PALM2AKAP2: variants seen among roughly 807,000 people sequenced by gnomAD.
PALM2AKAP2 encodes the protein PALM2 and AKAP2 fusion.
Under a neutral mutation model 71.5 loss-of-function variants are expected in PALM2AKAP2, and 37 were observed. The ratio of observed to expected loss-of-function variants is 0.52; its 90% CI spans 0.40 to 0.68. PALM2AKAP2 has a LOEUF of 0.68. PALM2AKAP2 is among the 30% of genes least tolerant of loss of function. PALM2AKAP2 has a pLI of 0.00. For synonymous variants in PALM2AKAP2, 468 were observed against 478.8 expected (o/e 0.98, Z 0.29); for missense variants, 1,224 against 1,191.8 (o/e 1.03, Z -0.40).
At chr9:109,900,438 C>T (rs1012427760) in intron 3 of PALM2AKAP2, among the ~76,000 whole-genome samples, 1 of 152,148 alleles carries the variant, frequency 6.6e-6, no homozygotes, top group Non-Finnish European at 1.5e-5. Context: ...TCTAGGCACC[C>T]AATAGATGGG....
chr9:109,920,795 C>CAAAT (rs3063871), intron 3 of PALM2AKAP2, among the ~76,000 whole-genome samples: 32,790 of 150,622 alleles, frequency 0.22, 3,688 homozygotes, highest in Admixed American at 0.27. Flanking sequence ...AATCACACCT[C>CAAAT]AAATAAATAA....
chr9:110,014,571 G>A (rs1476200993), intron 6 of PALM2AKAP2, among the ~76,000 whole-genome samples: 3 of 151,272 alleles, frequency 2.0e-5, no homozygotes, highest in Non-Finnish European at 4.4e-5. Context: ...TCAGGAGTTC[G>A]AGACCAGCCT....
intron 1 of PALM2AKAP2, among the ~76,000 whole-genome samples, chr9:109,786,135 C>T (rs1236515068): frequency 6.6e-6 from 1 of 152,268 alleles, no homozygotes; most frequent in South Asian, 2.1e-4. Context: ...CCTCTCCATG[C>T]CTTTTCTTGC....
chr9:110,036,066 C>T (rs1038973563), intron 7 of PALM2AKAP2, among the ~76,000 whole-genome samples: 12 of 151,782 alleles, frequency 7.9e-5, no homozygotes, highest in African/African-American at 1.2e-4. Flanking sequence ...CTGAGCCTCC[C>T]GAGAGTACAG....
intron 1 of PALM2AKAP2, among the ~76,000 whole-genome samples, chr9:109,703,554 T>C (rs998863226): frequency 2.6e-4 from 39 of 152,176 alleles, no homozygotes; most frequent in African/African-American, 8.9e-4. Flanking sequence ...CAAAATAGCT[T>C]CTTTATTCAA....
chr9:110,014,926 C>A (rs1329169810), intron 6 of PALM2AKAP2, among the ~76,000 whole-genome samples: 1 of 141,062 alleles, frequency 7.1e-6, no homozygotes, highest in Non-Finnish European at 1.5e-5. Context: ...TATTCACGTA[C>A]ATAACTGCAT....
rs138540272 is a variant in PALM2AKAP2 at position 109,886,029 on chromosome 9, G to A, written c.257+5348G>A. Among the ~76,000 whole-genome samples, 268 of 152,306 alleles carry A rather than the reference G, an allele frequency of 1.8e-3. 3 individuals carry two copies. The highest frequency in any genetic ancestry group is 6.2e-3 in the African/African-American group (256 of 41,566). On this transcript the variant is annotated intron_variant, in intron 3 of 9. Coordinates refer to the PALM2AKAP2 transcript ENST00000302798. The stretch of plus-strand genomic sequence containing the variant: ...CACAGCTTTTCCCTGGGTAATGTCA[G>A]GATTATATTTTTGGCTCCCTGGAAA...
At chr9:109,958,594 A>G (rs79228837) in intron 6 of PALM2AKAP2, among the ~76,000 whole-genome samples, 7,527 of 152,118 alleles carry the variant, frequency 0.049, 301 homozygotes, top group Admixed American at 0.11. Flanking sequence ...AGAGAAGGAG[A>G]AAAGGAAGAG....
intron 1 of PALM2AKAP2, among the ~76,000 whole-genome samples, chr9:109,800,148 G>C (rs1827382108): frequency 6.6e-6 from 1 of 151,222 alleles, no homozygotes; most frequent in Non-Finnish European, 1.5e-5. Context: ...CCAGTATAAG[G>C]TTTACTGATT....
chr9:109,695,225 C>T (rs892382357), intron 1 of PALM2AKAP2, among the ~76,000 whole-genome samples: 5 of 152,134 alleles, frequency 3.3e-5, no homozygotes, highest in Admixed American at 6.5e-5. Flanking sequence ...AAGTCAAAAG[C>T]GACTTAGGCT....
chr9:109,766,940 C>T (rs568133930), intron 1 of PALM2AKAP2, among the ~76,000 whole-genome samples: 2 of 152,228 alleles, frequency 1.3e-5, no homozygotes, highest in African/African-American at 2.4e-5. Context: ...CCACTGTCCC[C>T]GACTCCATTT....
intron 6 of PALM2AKAP2, among the ~76,000 whole-genome samples, chr9:110,009,142 G>A (rs1282201334): frequency 6.6e-6 from 1 of 152,182 alleles, no homozygotes; most frequent in Non-Finnish European, 1.5e-5. Flanking sequence ...ATTCAGACTT[G>A]TCTTTCTCTC....
intron 1 of PALM2AKAP2, among the ~76,000 whole-genome samples, chr9:109,658,538 GAA>G (rs1470423815): frequency 6.6e-6 from 1 of 152,160 alleles, no homozygotes; most frequent in Admixed American, 6.5e-5. Context: ...AGAAATAGAA[GAA>G]AGTTATTTTA....
intron 1 of PALM2AKAP2, among the ~76,000 whole-genome samples, chr9:109,705,589 A>G (rs552713624): frequency 1.5e-3 from 222 of 152,318 alleles, no homozygotes; most frequent in African/African-American, 4.9e-3. Context: ...TGTGACCCAC[A>G]TTTGAGAAGA....
At chr9:110,136,746 T>A (rs1333305407) in exon 2 of PALM2AKAP2, 1 of 1,614,128 alleles carries the variant, frequency 6.2e-7, no homozygotes, top group Admixed American at 1.7e-5. Flanking sequence ...GAGTTCACTC[T>A]CACCACACTG....
At chr9:109,738,547 GA>G (rs2118678618) in intron 1 of PALM2AKAP2, among the ~76,000 whole-genome samples, 2 of 152,270 alleles carry the variant, frequency 1.3e-5, no homozygotes, top group South Asian at 2.1e-4. Context: ...ATGGATGATT[GA>G]AAAATGACAT....
At chr9:109,870,375 G>A (rs529479202) in intron 2 of PALM2AKAP2, among the ~76,000 whole-genome samples, 37 of 152,220 alleles carry the variant, frequency 2.4e-4, no homozygotes, top group Non-Finnish European at 5.0e-4. Context: ...TAGTGGCCTC[G>A]CCCCTGGATG....
intron 2 of PALM2AKAP2, among the ~76,000 whole-genome samples, chr9:110,146,353 CT>C (rs1836170464): frequency 6.6e-6 from 1 of 152,180 alleles, no homozygotes; most frequent in African/African-American, 2.4e-5. Context: ...GCTGTTCCTG[CT>C]GATTGTGCTG....
intron 3 of PALM2AKAP2, among the ~76,000 whole-genome samples, chr9:109,883,816 C>T (rs752124387): frequency 6.6e-6 from 1 of 152,230 alleles, no homozygotes; most frequent in Non-Finnish European, 1.5e-5. Flanking sequence ...AGCTCACCTA[C>T]GTGACTCTAA....
Sources: gnomAD v4.1 joint callset for allele counts (sites outside exome capture counted in the v4.1 genomes callset) on GRCh38, gnomAD v4.1.1 for gene constraint, MANE v1.5 for transcripts, NCBI Gene and HGNC (gene_info 2026-07-23, HGNC 2026-07-21) for gene names.